The following H3C13 variants were observed in gnomAD, a reference collection of about 807,000 sequenced individuals.
H3C13 encodes the protein histone H3.2.
In H3C13, 8 loss-of-function variants were observed where a neutral mutation model predicts 7.3. The observed-to-expected ratio is 1.09, with a 90% CI of 0.64 to 1.97. The LOEUF is 1.97. Ranked by LOEUF, H3C13 falls within the 30% of genes most tolerant of loss-of-function variation. The probability of loss-of-function intolerance (pLI) is 0.00; values close to 1 mark genes in which losing one functional copy is unlikely to be tolerated. For synonymous variants in H3C13, 110 were observed against 90.1 expected (o/e 1.22, Z -1.25); for missense variants, 173 against 196.5 (o/e 0.88, Z 0.72).
rs782728545 is a variant in H3C13 at position 149,813,466 on chromosome 1, T to C, written c.216A>G (p.Val72=). ...LIRKLPFQRL[V]REIAQDFKTD... The stretch of plus-strand genomic sequence containing the variant: ...TCTTAAAGTCCTGCGCGATCTCGCG[T>C]ACCAGCCGCTGGAAGGGCAGCTTGC... The change falls in exon 1 of 1, where the codon GTA becomes GTG. Residue 72 remains valine, a synonymous_variant. Coordinates refer to ENST00000331491, the MANE Select transcript of H3C13 (RefSeq NM_001123375.3). 7 of 1,614,200 alleles carry C rather than the reference T, an allele frequency of 4.3e-6. No homozygotes were observed. Among genetic ancestry groups the C allele is most frequent in the Non-Finnish European group, 5.1e-6 (6 of 1,180,024 alleles).
In H3C13 at chr1:149,813,553, C is replaced by A. The variant is rs1553754954; in HGVS notation, c.129G>T (p.Arg43=). ...TGGVKKPHRY[R]PGTVALREIR... ...TCTCCCGCAGAGCCACGGTGCCGGG[C>A]CGGTAGCGGTGCGGCTTCTTCACCC... The change falls in exon 1 of 1, where the codon CGG becomes CGT. Residue 43 remains arginine, a synonymous_variant. Transcript: ENST00000331491. The A allele has an allele frequency of 1.2e-6, 2 of 1,613,866 alleles. No homozygotes were observed. Among genetic ancestry groups the A allele is most frequent in the African/African-American group, 2.7e-5 (2 of 74,944 alleles).
Position 149,813,261 on chromosome 1 carries a change from A to G in H3C13, c.*10T>C, listed in dbSNP as rs1553754842. ...AAAGAGCCTTTAGATCGACCACTTA[A>G]AAATATGCCTTAGGCCCGCTCCCCG... On this transcript the variant is annotated 3_prime_UTR_variant, in exon 1 of 1. Transcript: ENST00000331491. 3 of 1,613,910 alleles carry G rather than the reference A, an allele frequency of 1.9e-6. No individual in the cohort carries two copies. The highest frequency in any genetic ancestry group is 2.5e-6 in the Non-Finnish European group (3 of 1,179,944).
Position 149,813,487 on chromosome 1 carries a change from C to T in H3C13, c.195G>A (p.Lys65=), listed in dbSNP as rs1224131064. 3.7e-6 allele frequency: 6 copies of T among 1,614,230 alleles called. No homozygotes were observed. Among genetic ancestry groups the T allele is most frequent in the South Asian group, 1.1e-5 (1 of 91,090 alleles). The change falls in exon 1 of 1, where the codon AAG becomes AAA. Residue 65 remains lysine, a synonymous_variant. Transcript: ENST00000331491. ...YQKSTELLIR[K]LPFQRLVREI... is the part of the protein sequence containing the mutation. ...CGCGTACCAGCCGCTGGAAGGGCAG[C>T]TTGCGGATCAGCAGCTCCGTAGACT...
chr1:149,813,534 G>A lies in H3C13; in HGVS notation c.148C>T (p.Arg50Trp). 1.9e-6 allele frequency: 3 copies of A among 1,614,078 alleles called. No homozygotes were observed. Among genetic ancestry groups the A allele is most frequent in the Middle Eastern group, 1.7e-4 (1 of 6,050 alleles). Residue 50 changes from arginine (R) to tryptophan (W), a missense_variant, in exon 1 of 1, where the codon CGG becomes TGG. Coordinates refer to ENST00000331491, the MANE Select transcript of H3C13 (RefSeq NM_001123375.3). Reference sequence around the variant, plus strand: ...GACTTCTGGTAGCGCCGGATCTCCCGCAGAGCCACGGTGCCGGGCCGGTAG... The same window carrying A: ...GACTTCTGGTAGCGCCGGATCTCCCACAGAGCCACGGTGCCGGGCCGGTAG... ...HRYRPGTVAL[R>W]EIRRYQKSTE...
Position 149,813,566 on chromosome 1 carries a change from GGCT to G in H3C13, c.113_115del (p.Lys38_Pro39delinsThr). ...CACGGTGCCGGGCCGGTAGCGGTGC[GGCT>G]TCTTCACCCCGCCCGTGGCCGGCGC... On this transcript the variant is annotated inframe_deletion, in exon 1 of 1. Coordinates refer to ENST00000331491, the MANE Select transcript of H3C13 (RefSeq NM_001123375.3). 6.2e-7 allele frequency: 1 copy of G among 1,613,804 alleles called. No individual in the cohort carries two copies. Among genetic ancestry groups the G allele is most frequent in the Non-Finnish European group, 8.5e-7 (1 of 1,179,802 alleles).
At position 149,813,625 on chromosome 1, in the gene H3C13, C is replaced by A. The variant is rs782525932; in HGVS notation, c.57G>T (p.Lys19Asn). 20 of 1,613,512 alleles carry A rather than the reference C, an allele frequency of 1.2e-5. No homozygotes were observed. Among genetic ancestry groups the A allele is most frequent in the Non-Finnish European group, 1.5e-5 (18 of 1,179,716 alleles). The change falls in exon 1 of 1, where the codon AAG becomes AAT. Residue 19 changes from lysine (K) to asparagine (N), a missense_variant. Lys to Asn is a moderately conservative substitution (Grantham distance 94). Transcript: ENST00000331491. ...TGCGGGCCGCTTTGGTAGCCAGCTG[C>A]TTCCTCGGGGCCTTGCCGCCGGTCG... ...RKSTGGKAPR[K>N]QLATKAARKS...
At position 149,813,658 on chromosome 1, in the gene H3C13, G is replaced by A. The variant is rs370477823; in HGVS notation, c.24C>T (p.Ala8=). The change falls in exon 1 of 1, where the codon GCC becomes GCT. Residue 8 remains alanine, a synonymous_variant. Transcript: ENST00000331491. MARTKQT[A]RKSTGGKAPR... ...GGGCCTTGCCGCCGGTCGACTTGCGGGCAGTCTGCTTAGTACGGGCCATGC... is the reference window on the plus strand; with the variant it reads ...GGGCCTTGCCGCCGGTCGACTTGCGAGCAGTCTGCTTAGTACGGGCCATGC... 5.9e-5 allele frequency: 95 copies of A among 1,613,740 alleles called. 1 individual carries two copies. The African/African-American group carries it at 8.5e-4, about 14-fold the overall frequency.
At position 149,813,358 on chromosome 1, in the gene H3C13, C is replaced by A; in HGVS notation, c.324G>T (p.Thr108=). The change falls in exon 1 of 1, where the codon ACG becomes ACT. Residue 108 remains threonine (T), a synonymous_variant. Transcript: ENST00000331491. Reference sequence around the variant, plus strand: ...GCTTGGCATGGATGGCGCACAGGTTCGTGTCTTCGAACAGCCCCACCAGGT... The same window carrying A: ...GCTTGGCATGGATGGCGCACAGGTTAGTGTCTTCGAACAGCCCCACCAGGT... The part of the protein sequence containing the change: ...EAYLVGLFED[T]NLCAIHAKRV... 1 of 1,614,276 alleles carries A rather than the reference C, an allele frequency of 6.2e-7. No homozygotes were observed. Among genetic ancestry groups the A allele is most frequent in the South Asian group, 1.1e-5 (1 of 91,090 alleles).
chr1:149,813,329 A>C lies in H3C13; in HGVS notation c.353T>G (p.Val118Gly). ...CTGGATGTCCTTGGGCATGATGGTC[A>C]CGCGCTTGGCATGGATGGCGCACAG... ...TNLCAIHAKR[V>G]TIMPKDIQLA... The change falls in exon 1 of 1, where the codon GTG becomes GGG. Residue 118 changes from valine (V) to glycine (G), a missense_variant. Coordinates refer to ENST00000331491, the MANE Select transcript of H3C13 (RefSeq NM_001123375.3). The C allele has an allele frequency of 6.2e-7, 1 of 1,614,260 alleles. No homozygotes were observed. Among genetic ancestry groups the C allele is most frequent in the Non-Finnish European group, 8.5e-7 (1 of 1,180,046 alleles).
Position 149,813,257 on chromosome 1 carries a change from C to T in H3C13, c.*14G>A. The T allele has an allele frequency of 6.2e-7, 1 of 1,613,914 alleles. No homozygotes were observed. Among genetic ancestry groups the T allele is most frequent in the Non-Finnish European group, 8.5e-7 (1 of 1,179,910 alleles). ...CTGAAAAGAGCCTTTAGATCGACCA[C>T]TTAAAAATATGCCTTAGGCCCGCTC... is the stretch of plus-strand genomic sequence containing the variant. On this transcript the variant is annotated 3_prime_UTR_variant, in exon 1 of 1. Transcript: ENST00000331491.
At position 149,813,687 on chromosome 1, in the gene H3C13, C is replaced by G. The variant is rs186269612; in HGVS notation, c.-6G>C. 0.012 allele frequency: 18,913 copies of G among 1,613,560 alleles called. 146 individuals are homozygous for G. Among genetic ancestry groups the G allele is most frequent in the Non-Finnish European group, 0.013 (15,260 of 1,179,720 alleles). The stretch of plus-strand genomic sequence containing the variant: ...GTCTGCTTAGTACGGGCCATGCTGT[C>G]TCATTGATAGGAGAGGGTCTAGGCA... On this transcript the variant is annotated 5_prime_UTR_variant, in exon 1 of 1. Transcript: ENST00000331491.
rs782381109 is a variant in H3C13 at position 149,813,462 on chromosome 1, C to A, written c.220G>T (p.Glu74Ter). ...RKLPFQRLVR[E>*]IAQDFKTDLR... is the part of the protein sequence containing the mutation. ...TCCGTCTTAAAGTCCTGCGCGATCT[C>A]GCGTACCAGCCGCTGGAAGGGCAGC... Residue 74 changes from glutamate to a stop codon, truncating the protein, a stop_gained, in exon 1 of 1, where the codon GAG (glutamate) becomes TAG (stop). Coordinates refer to ENST00000331491, the MANE Select transcript of H3C13 (RefSeq NM_001123375.3). LOFTEE classifies it high-confidence loss of function. 1.9e-5 allele frequency: 31 copies of A among 1,614,226 alleles called. No homozygotes were observed. The highest frequency in any genetic ancestry group is 2.5e-5 in the Non-Finnish European group (30 of 1,180,030).
In H3C13 at chr1:149,813,473, C is replaced by G; in HGVS notation, c.209G>C (p.Arg70Pro). The stretch of plus-strand genomic sequence containing the variant: ...GTCCTGCGCGATCTCGCGTACCAGC[C>G]GCTGGAAGGGCAGCTTGCGGATCAG... ...ELLIRKLPFQ[R>P]LVREIAQDFK... The change falls in exon 1 of 1, where the codon CGG (arginine) becomes CCG (proline). Residue 70 changes from arginine to proline, a missense_variant. Arg to Pro is a moderately radical substitution (Grantham distance 103). Transcript: ENST00000331491. 1 of 1,614,200 alleles carries G rather than the reference C, an allele frequency of 6.2e-7. No individual in the cohort carries two copies. Among genetic ancestry groups the G allele is most frequent in the South Asian group, 1.1e-5 (1 of 91,088 alleles).
Position 149,813,499 on chromosome 1 carries a change from C to T in H3C13, c.183G>A (p.Leu61=), listed in dbSNP as rs587760381. The change falls in exon 1 of 1, where the codon CTG becomes CTA. Residue 61 remains leucine, a synonymous_variant. Transcript: ENST00000331491. ...GCTGGAAGGGCAGCTTGCGGATCAG[C>T]AGCTCCGTAGACTTCTGGTAGCGCC... ...EIRRYQKSTE[L]LIRKLPFQRL... The T allele has an allele frequency of 1.2e-6, 2 of 1,614,226 alleles. No individual in the cohort carries two copies. Among genetic ancestry groups the T allele is most frequent in the Non-Finnish European group, 8.5e-7 (1 of 1,180,024 alleles).
rs782387101 is a variant in H3C13, at chr1:149,813,236, A to G, written c.*35T>C. 5 of 1,606,968 alleles carry G rather than the reference A, an allele frequency of 3.1e-6. No homozygotes were observed. Among genetic ancestry groups the G allele is most frequent in the South Asian group, 2.2e-5 (2 of 90,688 alleles). ...TTGATGAAAACGGCAGTGGCTCTGA[A>G]AAGAGCCTTTAGATCGACCACTTAA... is the stretch of plus-strand genomic sequence containing the variant. On this transcript the variant is annotated 3_prime_UTR_variant, in exon 1 of 1. Transcript: ENST00000331491.
At position 149,813,552 on chromosome 1, in the gene H3C13, G is replaced by A. The variant is rs1553754953; in HGVS notation, c.130C>T (p.Pro44Ser). ...GGVKKPHRYR[P>S]GTVALREIRR... ...ATCTCCCGCAGAGCCACGGTGCCGG[G>A]CCGGTAGCGGTGCGGCTTCTTCACC... The change falls in exon 1 of 1, where the codon CCC (proline) becomes TCC (serine). Residue 44 changes from proline (P) to serine (S), a missense_variant. Transcript: ENST00000331491. The A allele has an allele frequency of 6.2e-7, 1 of 1,612,394 alleles. No homozygotes were observed.
In H3C13 at chr1:149,813,431, C is replaced by T. The variant is rs781875918; in HGVS notation, c.251G>A (p.Arg84His). ...CGCCATCACGGCCGAGCTCTGGAAG[C>T]GCAGGTCCGTCTTAAAGTCCTGCGC... is the stretch of plus-strand genomic sequence containing the variant. The part of the protein sequence containing the change: ...EIAQDFKTDL[R>H]FQSSAVMALQ... The change falls in exon 1 of 1, where the codon CGC (arginine) becomes CAC (histidine). Residue 84 changes from arginine (R) to histidine (H), a missense_variant. Physicochemically the swap from Arg to His is conservative, Grantham distance 29. Transcript: ENST00000331491. 1 of 1,614,104 alleles carries T rather than the reference C, an allele frequency of 6.2e-7. No individual in the cohort carries two copies. The highest frequency in any genetic ancestry group is 1.3e-5 in the African/African-American group (1 of 74,954).
In H3C13 at chr1:149,813,583, C is replaced by T. The variant is rs1385475828; in HGVS notation, c.99G>A (p.Thr33=). The change falls in exon 1 of 1, where the codon ACG becomes ACA. Residue 33 remains threonine (T), a synonymous_variant. Transcript: ENST00000331491. The part of the protein sequence containing the change: ...TKAARKSAPA[T]GGVKKPHRYR... ...AGCGGTGCGGCTTCTTCACCCCGCCCGTGGCCGGCGCGCTCTTGCGGGCCG... is the reference window on the plus strand; with the variant it reads ...AGCGGTGCGGCTTCTTCACCCCGCCTGTGGCCGGCGCGCTCTTGCGGGCCG... 1.2e-5 allele frequency: 19 copies of T among 1,613,092 alleles called. No homozygotes were observed. Among genetic ancestry groups the T allele is most frequent in the East Asian group, 2.2e-5 (1 of 44,862 alleles).
In H3C13 at chr1:149,813,464, C is replaced by T. The variant is rs782148277; in HGVS notation, c.218G>A (p.Arg73His). Residue 73 changes from arginine to histidine, a missense_variant, in exon 1 of 1, where the codon CGC becomes CAC. Arg to His is a conservative substitution (Grantham distance 29, BLOSUM62 0). Transcript: ENST00000331491. ...CGTCTTAAAGTCCTGCGCGATCTCG[C>T]GTACCAGCCGCTGGAAGGGCAGCTT... ...IRKLPFQRLVREIAQDFKTDL... is the reference protein window; with the variant it reads ...IRKLPFQRLVHEIAQDFKTDL... The T allele has an allele frequency of 6.2e-6, 10 of 1,614,202 alleles. No homozygotes were observed. The South Asian group carries it at 1.1e-4, about 18-fold the overall frequency.
Sources: allele counts gnomAD v4.1 joint callset, GRCh38; gene constraint gnomAD v4.1.1; transcripts MANE v1.5; gene names NCBI Gene and HGNC (gene_info 2026-07-23, HGNC 2026-07-21).